FANCI: variants seen among roughly 807,000 people sequenced by gnomAD.
FANCI encodes Fanconi anemia group I protein.
A neutral mutation model predicts 176.1 loss-of-function variants in FANCI; 156 were observed. The observed-to-expected ratio is 0.89, with a 90% CI of 0.78 to 1.01. FANCI has a LOEUF of 1.01. FANCI is among the 50% of genes least tolerant of loss of function. FANCI has a pLI of 0.00. For synonymous variants in FANCI, 613 were observed against 541.7 expected (o/e 1.13, Z -1.83); for missense variants, 1,678 against 1,534.1 (o/e 1.09, Z -1.57).
chr15:89,312,846 C>A, intron 34 of FANCI, 58 bp from the exon 35 acceptor site: 1 of 1,349,510 alleles, frequency 7.4e-7, no homozygotes, highest in Non-Finnish European at 1.0e-6. Context: ...TTAGCACTAG[C>A]ATGCTAGCTC....
Position 89,316,647 on chromosome 15 carries a change from T to C in FANCI, c.*188T>C, listed in dbSNP as rs1275110213. The C allele has an allele frequency of 5.9e-6, 7 of 1,184,112 alleles. No individual in the cohort carries two copies. The highest frequency in any genetic ancestry group is 3.7e-5 in the South Asian group (3 of 81,350). 73.4% of individuals were successfully genotyped at this position (1,184,112 alleles called of 1,614,324 possible). On this transcript the variant is annotated 3_prime_UTR_variant, in exon 38 of 38. Coordinates refer to ENST00000310775, the MANE Select transcript of FANCI (RefSeq NM_001113378.2). The stretch of plus-strand genomic sequence containing the variant: ...CCTGCTACTGAAAAATGGCTGGCCT[T>C]AGGCAAGCCCTTTTGCAAAAAGCAC...
chr15:89,248,261 A>T (rs1322487729), intron 2 of FANCI, among the ~76,000 whole-genome samples: 1 of 152,174 alleles, frequency 6.6e-6, no homozygotes, highest in Non-Finnish European at 1.5e-5. Flanking sequence ...GTTCTTTCTC[A>T]GCTGATATAC....
chr15:89,305,805 C>A, intron 31 of FANCI, 107 bp downstream of exon 31: 1 of 1,266,820 alleles, frequency 7.9e-7, no homozygotes, highest in Non-Finnish European at 1.1e-6. Flanking sequence ...TCTTATTTGC[C>A]TTTAAGCTAG....
intron 11 of FANCI, 86 bp from the exon 12 acceptor site, chr15:89,274,082 T>C: frequency 9.2e-7 from 1 of 1,082,408 alleles, no homozygotes; most frequent in Non-Finnish European, 1.3e-6. Flanking sequence ...TAATATTTGC[T>C]TTATTTTCTT....
At chr15:89,262,121 T>C (rs2052737341) in intron 6 of FANCI, among the ~76,000 whole-genome samples, 1 of 152,232 alleles carries the variant, frequency 6.6e-6, no homozygotes, top group African/African-American at 2.4e-5. Flanking sequence ...AGCAATTTAG[T>C]GTGTTAAGAT....
At chr15:89,296,415 G>GTT (rs552630792) in intron 24 of FANCI, among the ~76,000 whole-genome samples, 172 of 109,472 alleles carry the variant, frequency 1.6e-3, no homozygotes, top group Non-Finnish European at 4.3e-4. Context: ...TTGTTTTTTC[G>GTT]TTTTTTTTGT....
Position 89,316,517 on chromosome 15 carries a change from G to T in FANCI, c.*58G>T, listed in dbSNP as rs1567182734. 5.9e-6 allele frequency: 9 copies of T among 1,525,156 alleles called. No homozygotes were observed. Among genetic ancestry groups the T allele is most frequent in the Non-Finnish European group, 5.4e-6 (6 of 1,114,772 alleles). 94.5% of individuals were successfully genotyped at this position (1,525,156 alleles called of 1,614,324 possible). ...CTTCTGCTTCATTTTTACCCAACAA[G>T]CAACAATGCCCCTTGTCCTGTAGTC... On this transcript the variant is annotated 3_prime_UTR_variant, in exon 38 of 38. Transcript: ENST00000310775.
At chr15:89,286,544 T>C (rs1388189232) in intron 18 of FANCI, among the ~76,000 whole-genome samples, 1 of 152,196 alleles carries the variant, frequency 6.6e-6, no homozygotes, top group Non-Finnish European at 1.5e-5. Flanking sequence ...CAGTAATATT[T>C]TGAGAAGAAT....
rs200012909 is a variant in FANCI, at chr15:89,312,986, A to T, written c.3720+14A>T. 8 of 1,613,240 alleles carry T rather than the reference A, an allele frequency of 5.0e-6. No individual in the cohort carries two copies. In the African/African-American group the frequency reaches 1.1e-4, roughly 22 times the overall value. On this transcript the variant is annotated intron_variant, in intron 35 of 37. Coordinates refer to ENST00000310775, the MANE Select transcript of FANCI (RefSeq NM_001113378.2). ...GCCACAGCCATGGTAAGCTGCTGAC[A>T]CTGACCGTTAAAATATGCTTGTTGG...
rs757806707 is a variant in FANCI at position 89,283,294 on chromosome 15, A to G, written c.1698+44A>G. ...AACTTGCAGTGTGTGCGTATCATTCATGTGCATCGATGAAATGCACGCTGT... is the reference window on the plus strand; with the variant it reads ...AACTTGCAGTGTGTGCGTATCATTCGTGTGCATCGATGAAATGCACGCTGT... On this transcript the variant is annotated intron_variant, in intron 17 of 37. Transcript: ENST00000310775. 9.9e-6 allele frequency: 16 copies of G among 1,612,262 alleles called. 1 individual carries two copies. Among genetic ancestry groups the G allele is most frequent in the Admixed American group, 1.7e-5 (1 of 59,980 alleles).
chr15:89,297,205 C>A (rs866618558), intron 24 of FANCI, among the ~76,000 whole-genome samples: 2 of 151,788 alleles, frequency 1.3e-5, no homozygotes, highest in South Asian at 4.2e-4. Context: ...GACGGGGCGG[C>A]GGGGCAGAGG....
At position 89,276,847 on chromosome 15, in the gene FANCI, C is replaced by G. The variant is rs2053428563; in HGVS notation, c.1249C>G (p.His417Asp). 6.2e-7 allele frequency: 1 copy of G among 1,614,024 alleles called. No individual in the cohort carries two copies. The change falls in exon 13 of 38, where the codon CAT (histidine) becomes GAT (aspartate). Residue 417 changes from histidine to aspartate, a missense_variant. His to Asp is a moderately conservative substitution (Grantham distance 81). Transcript: ENST00000310775. The stretch of plus-strand genomic sequence containing the variant: ...AAGTCTTTCTAGAATGCCAAACCAG[C>G]ATGCATGTAAGCTCGGAGCTAATAT... ...SPSLSRMPNQHACKLGANILL... is the reference protein window; with the variant it reads ...SPSLSRMPNQDACKLGANILL...
chr15:89,264,384 T>G, intron 8 of FANCI, 138 bp from the exon 9 acceptor site: 1 of 758,144 alleles, frequency 1.3e-6, no homozygotes, highest in South Asian at 1.5e-5. Context: ...GTTCTATACA[T>G]TCTTAGTTTG....
chr15:89,277,325 A>C (rs2053444988), intron 13 of FANCI, among the ~76,000 whole-genome samples: 1 of 152,056 alleles, frequency 6.6e-6, no homozygotes, highest in Non-Finnish European at 1.5e-5. Flanking sequence ...CAAAAAAAGA[A>C]TCATGCTTGG....
At chr15:89,257,850 A>C (rs2052561444) in intron 2 of FANCI, among the ~76,000 whole-genome samples, 1 of 152,140 alleles carries the variant, frequency 6.6e-6, no homozygotes, top group African/African-American at 2.4e-5. Context: ...TTTCACTCTT[A>C]AACCCCCATA....
At chr15:89,281,952 C>G in intron 16 of FANCI, 117 bp downstream of exon 16, 1 of 972,296 alleles carries the variant, frequency 1.0e-6, no homozygotes, top group Non-Finnish European at 1.6e-6. Context: ...TTCCTAGCCC[C>G]GCAGAGCAAT....
intron 24 of FANCI, among the ~76,000 whole-genome samples, chr15:89,297,540 C>T (rs1041462558): frequency 7.9e-5 from 12 of 152,210 alleles, no homozygotes; most frequent in Non-Finnish European, 1.5e-4. Flanking sequence ...TGGCGGATCA[C>T]TCGTGGTTAG....
intron 2 of FANCI, among the ~76,000 whole-genome samples, chr15:89,251,502 AT>A (rs1309805948): frequency 6.6e-6 from 1 of 152,174 alleles, no homozygotes. Flanking sequence ...TATAACATTG[AT>A]TTTTTTATGC....
chr15:89,263,696 G>T (rs2052816615), intron 7 of FANCI, among the ~76,000 whole-genome samples: 1 of 152,062 alleles, frequency 6.6e-6, no homozygotes, highest in Non-Finnish European at 1.5e-5. Flanking sequence ...CTTAGGTAAG[G>T]TTATTGGTTC....
Sources: gnomAD v4.1 joint callset for allele counts (sites outside exome capture counted in the v4.1 genomes callset) on GRCh38, gnomAD v4.1.1 for gene constraint, MANE v1.5 for transcripts, NCBI Gene and HGNC (gene_info 2026-07-23, HGNC 2026-07-21) for gene names.